GALNT13: variants seen among roughly 807,000 people sequenced by gnomAD.
GALNT13 encodes the protein UDP-GalNAc:polypeptide N-acetylgalactosaminyltransferase 13.
GALNT13 carries 28 observed loss-of-function variants against 64.2 expected under a neutral mutation model. That is an observed-to-expected ratio of 0.44 (90% CI 0.32 to 0.60). GALNT13 has a LOEUF of 0.60. Among genes scored for constraint, GALNT13 ranks in the 20% least tolerant of loss-of-function variants. GALNT13 has a pLI of 0.05. For synonymous variants in GALNT13, 214 were observed against 224.6 expected, an observed-to-expected ratio of 0.95 and a Z score of 0.42; for missense variants, 577 against 669.8, an observed-to-expected ratio of 0.86 and a Z score of 1.53.
At chr2:153,337,849 C>T in the GALNT13 span, 15 of 152,186 alleles carry the variant, frequency 9.9e-5, no homozygotes, top group East Asian at 2.7e-3. Flanking sequence ...TATGGATGTT[C>T]TTTGGGATTC....
At chr2:153,825,230 C>A in the GALNT13 span, among the ~76,000 whole-genome samples, 1 of 152,134 alleles carries the variant, frequency 6.6e-6, no homozygotes, top group Non-Finnish European at 1.5e-5. Context: ...TTCTAAAAGG[C>A]ACAGGACATC....
chr2:153,469,944 A>C, the GALNT13 span, among the ~76,000 whole-genome samples: 1 of 152,116 alleles, frequency 6.6e-6, no homozygotes, highest in African/African-American at 2.4e-5. Flanking sequence ...CTGCCCCAGA[A>C]ATTCAGAGCT....
chr2:154,382,178 G>A (rs1029018933), intron 9 of GALNT13, among the ~76,000 whole-genome samples: 3 of 151,926 alleles, frequency 2.0e-5, no homozygotes, highest in African/African-American at 7.2e-5. Context: ...GGACACAGAG[G>A]GTTTGTTAAA....
the GALNT13 span, among the ~76,000 whole-genome samples, chr2:153,417,634 T>C: frequency 0.23 from 35,667 of 152,110 alleles, 4,399 homozygotes; most frequent in Non-Finnish European, 0.25. Flanking sequence ...GGTGTTGTTC[T>C]AAGTAAATAT....
chr2:153,351,822 C>T, the GALNT13 span, among the ~76,000 whole-genome samples: 311 of 152,206 alleles, frequency 2.0e-3, 1 homozygote, highest in African/African-American at 7.0e-3. Context: ...AATAATATTC[C>T]ATTATCTGGA....
chr2:153,183,039 T>C, the GALNT13 span, among the ~76,000 whole-genome samples: 1 of 152,246 alleles, frequency 6.6e-6, no homozygotes, highest in Non-Finnish European at 1.5e-5. Context: ...TCTGGGTCTT[T>C]GAGAAATTGC....
chr2:153,688,377 C>T, the GALNT13 span, among the ~76,000 whole-genome samples: 1 of 151,876 alleles, frequency 6.6e-6, no homozygotes, highest in South Asian at 2.1e-4. Flanking sequence ...GTGACTTTTC[C>T]AAGTTATTAG....
chr2:153,473,013 A>G, the GALNT13 span, among the ~76,000 whole-genome samples: 1 of 152,084 alleles, frequency 6.6e-6, no homozygotes, highest in Non-Finnish European at 1.5e-5. Flanking sequence ...GGAGGGGAAC[A>G]TCACACACCA....
At chr2:153,285,700 A>G in the GALNT13 span, among the ~76,000 whole-genome samples, 817 of 152,284 alleles carry the variant, frequency 5.4e-3, 3 homozygotes, top group South Asian at 0.019. Flanking sequence ...TGTCAAAACA[A>G]TAGAGGCAAT....
At chr2:153,990,961 C>G (rs1228959111) in intron 3 of GALNT13, among the ~76,000 whole-genome samples, 3 of 152,170 alleles carry the variant, frequency 2.0e-5, no homozygotes, top group Non-Finnish European at 4.4e-5. Context: ...AATTGACTTT[C>G]ATTTGGGATG....
intron 9 of GALNT13, among the ~76,000 whole-genome samples, chr2:154,310,901 A>G (rs990976725): frequency 3.6e-4 from 48 of 133,056 alleles, no homozygotes; most frequent in African/African-American, 1.3e-3. Context: ...ACTTAAGACA[A>G]TGTCTGGCAA....
the GALNT13 span, among the ~76,000 whole-genome samples, chr2:153,090,626 G>A: frequency 6.6e-6 from 1 of 152,192 alleles, no homozygotes; most frequent in African/African-American, 2.4e-5. Context: ...TTTAGTAGTA[G>A]GGGGCTCTAA....
chr2:153,679,739 C>T, the GALNT13 span, among the ~76,000 whole-genome samples: 3 of 151,952 alleles, frequency 2.0e-5, no homozygotes, highest in South Asian at 6.2e-4. Flanking sequence ...ATTTAGACCT[C>T]AACAAATTAT....
intron 1 of GALNT13, among the ~76,000 whole-genome samples, chr2:153,887,804 A>G (rs1345488298): frequency 6.6e-6 from 1 of 152,022 alleles, no homozygotes; most frequent in East Asian, 1.9e-4. Context: ...GAAGAGGCTT[A>G]GAGAAATTGA....
At chr2:153,867,244 G>T (rs192673950), upstream of GALNT13, among the ~76,000 whole-genome samples, 239 of 152,226 alleles carry the variant, frequency 1.6e-3, 1 homozygote, top group South Asian at 0.015. Flanking sequence ...GCACATGCAG[G>T]CCATTCTCCA....
chr2:153,408,940 A>G, the GALNT13 span, among the ~76,000 whole-genome samples: 1 of 152,078 alleles, frequency 6.6e-6, no homozygotes, highest in Non-Finnish European at 1.5e-5. Flanking sequence ...TGCAGCTAGA[A>G]ACAGCAGGCA....
the GALNT13 span, among the ~76,000 whole-genome samples, chr2:153,629,345 A>T: frequency 3.9e-5 from 6 of 151,910 alleles, no homozygotes; most frequent in African/African-American, 9.7e-5. Context: ...ATAACGCCAC[A>T]TATCTACAAC....
rs116835842 is a variant in GALNT13 at position 154,331,480 on chromosome 2, T to A, written c.1156+29891T>A. Among the ~76,000 whole-genome samples, 1,288 of 145,016 alleles carry A rather than the reference T, an allele frequency of 8.9e-3. 17 individuals carry two copies. The highest frequency in any genetic ancestry group is 0.029 in the African/African-American group (1,200 of 40,974). ...ACCATGCCCACACAATTTTTTTTTT[T>A]TAAAATGTAGAGACTGGGTCTCGCC... On this transcript the variant is annotated intron_variant, in intron 9 of 12. Transcript: ENST00000392825.
At chr2:153,821,201 C>T in the GALNT13 span, among the ~76,000 whole-genome samples, 2 of 152,082 alleles carry the variant, frequency 1.3e-5, no homozygotes, top group African/African-American at 2.4e-5. Context: ...AAAAAACTAA[C>T]AAGAAATTCT....
Sources: allele counts gnomAD v4.1 joint callset (sites outside exome capture counted in the v4.1 genomes callset), GRCh38; gene constraint gnomAD v4.1.1; transcripts MANE v1.5; gene names NCBI Gene and HGNC (gene_info 2026-07-23, HGNC 2026-07-21).